Variants in CCM2 observed in about 807,000 individuals in gnomAD.
CCM2 encodes CCM2 scaffold protein, also known as cerebral cavernous malformations 2 protein.
CCM2 carries 25 observed loss-of-function variants against 44.9 expected under a neutral mutation model. The observed-to-expected ratio is 0.56, with a 90% CI of 0.41 to 0.78. The LOEUF is 0.78. CCM2 is among the 30% of genes least tolerant of loss of function. CCM2 has a pLI of 0.00. For missense variants in CCM2, 481 were observed against 580.6 expected (o/e 0.83, Z 1.76); for synonymous variants, 219 against 241.1 (o/e 0.91, Z 0.85).
intron 2 of CCM2, 131 bp downstream of exon 2, chr7:45,038,557 G>A: frequency 2.2e-6 from 2 of 926,460 alleles, no homozygotes; most frequent in Non-Finnish European, 3.5e-6. Context: ...CCCACCCATT[G>A]TCTTGTCTAT....
intron 1 of CCM2, among the ~76,000 whole-genome samples, chr7:45,028,661 AAAAAG>A (rs1048796674): frequency 4.6e-5 from 7 of 152,198 alleles, no homozygotes; most frequent in South Asian, 2.1e-4. Context: ...CGGCTCAAAA[AAAAAG>A]AAAAGAAAGA....
intron 1 of CCM2, among the ~76,000 whole-genome samples, chr7:45,023,787 G>GTTTTTTTTTTT (rs10596429): frequency 1.2e-4 from 7 of 58,644 alleles, no homozygotes; most frequent in Non-Finnish European, 1.8e-4. Flanking sequence ...CTCTGTATCA[G>GTTTTTTTTTTT]TTTTTTTTTT....
chr7:45,038,222 G>A, intron 1 of CCM2, 31 bp from the exon 2 acceptor site: 1 of 1,612,470 alleles, frequency 6.2e-7, no homozygotes, highest in Non-Finnish European at 8.5e-7. Context: ...TGTAAATAAT[G>A]AACTCCAATC....
chr7:45,015,058 CTTG>C (rs1380878080), intron 1 of CCM2, among the ~76,000 whole-genome samples: 2 of 152,186 alleles, frequency 1.3e-5, no homozygotes, highest in Non-Finnish European at 2.9e-5. Flanking sequence ...TTCAGCTAAT[CTTG>C]TTCTTTCCTG....
intron 1 of CCM2, among the ~76,000 whole-genome samples, chr7:45,033,044 CAAAAAAAAAAAAA>C (rs60956411): frequency 1.4e-3 from 83 of 58,084 alleles, no homozygotes; most frequent in African/African-American, 4.9e-3. Flanking sequence ...AACTCCGTCT[CAAAAAAAAAAAAA>C]AAAAAAAAAA....
chr7:45,042,321 C>CATACA (rs1054423196), intron 2 of CCM2, among the ~76,000 whole-genome samples: 10 of 148,568 alleles, frequency 6.7e-5, no homozygotes, highest in Non-Finnish European at 1.5e-4. Flanking sequence ...AATTTTCTAG[C>CATACA]ATTTGTATTG....
intron 1 of CCM2, among the ~76,000 whole-genome samples, chr7:45,030,746 C>T (rs944166730): frequency 6.6e-6 from 1 of 151,898 alleles, no homozygotes; most frequent in African/African-American, 2.4e-5. Context: ...TTTCTTGAGA[C>T]GGAGTCTCAC....
chr7:45,020,405 T>C (rs2128718474), intron 1 of CCM2, among the ~76,000 whole-genome samples: 1 of 152,316 alleles, frequency 6.6e-6, no homozygotes, highest in East Asian at 1.9e-4. Flanking sequence ...TCTTTCATTA[T>C]AGATATATAG....
intron 1 of CCM2, among the ~76,000 whole-genome samples, chr7:45,030,183 C>T (rs1796894184): frequency 6.6e-6 from 1 of 152,172 alleles, no homozygotes; most frequent in African/African-American, 2.4e-5. Context: ...AGAGAAATAG[C>T]ACTTAGCCTG....
chr7:45,033,187 T>G, intron 1 of CCM2, among the ~76,000 whole-genome samples: 1 of 151,828 alleles, frequency 6.6e-6, no homozygotes. Flanking sequence ...CCTGCAAGAG[T>G]TCCTACTATT....
intron 7 of CCM2, 54 bp downstream of exon 7, chr7:45,072,837 C>T: frequency 6.9e-7 from 1 of 1,447,482 alleles, no homozygotes; most frequent in Non-Finnish European, 9.7e-7. Flanking sequence ...AATGCGTTGT[C>T]TGGTGTTGTC....
intron 2 of CCM2, among the ~76,000 whole-genome samples, chr7:45,058,285 C>CT (rs1562901116): frequency 6.6e-6 from 1 of 152,092 alleles, no homozygotes; most frequent in Admixed American, 6.5e-5. Flanking sequence ...GGGAAGGTAT[C>CT]TAACTTTTTG....
intron 1 of CCM2, among the ~76,000 whole-genome samples, chr7:45,013,670 G>A (rs749111920): frequency 6.6e-6 from 1 of 152,108 alleles, no homozygotes; most frequent in Non-Finnish European, 1.5e-5. Flanking sequence ...ATAGCTCTAG[G>A]ATCCATAGAT....
In CCM2 at chr7:45,074,144, C is replaced by A. The variant is rs1423342178; in HGVS notation, c.916-126C>A. ...ATTGTGGTCATTCTGATGCCCCAGCCTGTGCAGAGGTGAAGCCAGAGACAG... is the reference window on the plus strand; with the variant it reads ...ATTGTGGTCATTCTGATGCCCCAGCATGTGCAGAGGTGAAGCCAGAGACAG... On this transcript the variant is annotated intron_variant, in intron 8 of 9. Transcript: ENST00000258781. The A allele has an allele frequency of 1.9e-6, 3 of 1,552,728 alleles. No individual in the cohort carries two copies. In the African/African-American group the frequency reaches 4.0e-5, roughly 21 times the overall value.
intron 1 of CCM2, among the ~76,000 whole-genome samples, chr7:45,019,039 C>T (rs1296733466): frequency 2.8e-5 from 4 of 142,802 alleles, no homozygotes; most frequent in Non-Finnish European, 6.0e-5. Flanking sequence ...GGATTATAGG[C>T]GTGAGCCACT....
rs200669376 is a variant in CCM2 at position 45,075,842 on chromosome 7, G to A, written c.1120G>A (p.Val374Met). ...HFENFLETIG[V>M]KDGRGIITDS... ...CGAGAACTTCCTGGAGACCATTGGC[G>A]TGAAGGATGGCCGCGGCATCATCAC... Residue 374 changes from valine (V) to methionine (M), a missense_variant, in exon 10 of 10, where the codon GTG (valine) becomes ATG (methionine). Physicochemically the swap from Val to Met is conservative, Grantham distance 21 (BLOSUM62 1). Coordinates refer to ENST00000258781, the MANE Select transcript of CCM2 (RefSeq NM_031443.4). 89 of 1,613,646 alleles carry A rather than the reference G, an allele frequency of 5.5e-5. No individual in the cohort carries two copies. The highest frequency in any genetic ancestry group is 1.6e-4 in the Middle Eastern group (1 of 6,084).
intron 1 of CCM2, among the ~76,000 whole-genome samples, chr7:45,029,974 T>C (rs1202486754): frequency 6.6e-6 from 1 of 152,246 alleles, no homozygotes; most frequent in Non-Finnish European, 1.5e-5. Flanking sequence ...TGTATAGTTA[T>C]CTGAGGTGGC....
chr7:45,050,128 G>A (rs10281511), intron 2 of CCM2, among the ~76,000 whole-genome samples: 13,324 of 152,214 alleles, frequency 0.088, 1,402 homozygotes, highest in African/African-American at 0.25. Context: ...CCTTTTCTGT[G>A]TTTGAATGTA....
At chr7:45,017,565 C>CA (rs61047699) in intron 1 of CCM2, among the ~76,000 whole-genome samples, 1,585 of 152,314 alleles carry the variant, frequency 0.01, 24 homozygotes, top group African/African-American at 0.037. Flanking sequence ...CTTGAAGAGT[C>CA]AGACTGTGTG....
Sources: gnomAD v4.1 joint callset for allele counts (sites outside exome capture counted in the v4.1 genomes callset) on GRCh38, gnomAD v4.1.1 for gene constraint, MANE v1.5 for transcripts, NCBI Gene and HGNC (gene_info 2026-07-23, HGNC 2026-07-21) for gene names.